Variants in SLC8A1 observed in about 807,000 individuals in gnomAD.
The protein encoded by SLC8A1 is solute carrier family 8 member A1.
A neutral mutation model predicts 68.3 loss-of-function variants in SLC8A1; 18 were observed. The ratio of observed to expected loss-of-function variants is 0.26; its 90% CI spans 0.18 to 0.39. The LOEUF (loss-of-function observed/expected upper bound fraction) is 0.39. SLC8A1 is among the 10% of genes least tolerant of loss of function. SLC8A1 has a pLI of 1.00. For missense variants in SLC8A1, 985 were observed against 1,156.7 expected (o/e 0.85, Z 2.15); for synonymous variants, 475 against 415.5 (o/e 1.14, Z -1.74).
chr2:40,183,636 G>T (rs1370598444), intron 2 of SLC8A1, among the ~76,000 whole-genome samples: 1 of 152,118 alleles, frequency 6.6e-6, no homozygotes, highest in Admixed American at 6.6e-5. Context: ...ATCCCCAGAT[G>T]ACTCTTATGT....
At chr2:40,417,389 A>T (rs938251985) in intron 2 of SLC8A1, among the ~76,000 whole-genome samples, 7 of 152,244 alleles carry the variant, frequency 4.6e-5, no homozygotes, top group Admixed American at 1.3e-4. Flanking sequence ...ACCAAACAAG[A>T]AAAACATAAT....
At chr2:40,480,476 T>A (rs1379587829) in intron 1 of SLC8A1, among the ~76,000 whole-genome samples, 1 of 152,204 alleles carries the variant, frequency 6.6e-6, no homozygotes, top group Non-Finnish European at 1.5e-5. Flanking sequence ...TCTCATCAGA[T>A]ACGGAGTTTG....
chr2:40,200,219 TTTTTTTATATATATATATAA>T (rs2053988528), intron 2 of SLC8A1, among the ~76,000 whole-genome samples: 7 of 2,920 alleles, frequency 2.4e-3, no homozygotes, highest in Non-Finnish European at 5.8e-3. Flanking sequence ...TATATATATA[TTTTTTTATATATATATATAA>T]ATATATATAT....
intron 1 of SLC8A1, among the ~76,000 whole-genome samples, chr2:40,432,964 G>T (rs1052126688): frequency 6.6e-6 from 1 of 152,086 alleles, no homozygotes; most frequent in Non-Finnish European, 1.5e-5. Flanking sequence ...ATGTCTTGGG[G>T]ACCTGAAAGA....
intron 2 of SLC8A1, among the ~76,000 whole-genome samples, chr2:40,401,154 G>T (rs1688610311): frequency 6.6e-6 from 1 of 152,160 alleles, no homozygotes; most frequent in Non-Finnish European, 1.5e-5. Flanking sequence ...TCTTATATGG[G>T]TCTGTTCTTT....
At chr2:40,098,605 C>T (rs2033712999) in exon 8 of SLC8A1, 1 of 151,868 alleles carries the variant, frequency 6.6e-6, no homozygotes, top group Non-Finnish European at 1.5e-5. Flanking sequence ...AAAAGATTAG[C>T]TAAAATTTCC....
exon 8 of SLC8A1, chr2:40,106,199 T>C (rs1278220463): frequency 1.3e-5 from 2 of 152,232 alleles, no homozygotes; most frequent in Admixed American, 6.5e-5. Flanking sequence ...TTCACTTTTC[T>C]CTCACCATGT....
At chr2:40,204,484 C>T (rs2054999763) in intron 2 of SLC8A1, among the ~76,000 whole-genome samples, 1 of 151,926 alleles carries the variant, frequency 6.6e-6, no homozygotes, top group Admixed American at 6.6e-5. Context: ...GAAAGAAAAA[C>T]AACCATATGG....
At chr2:40,196,760 C>G (rs2053124638) in intron 2 of SLC8A1, among the ~76,000 whole-genome samples, 1 of 152,004 alleles carries the variant, frequency 6.6e-6, no homozygotes, top group African/African-American at 2.4e-5. Context: ...TTAAACCGCT[C>G]ATGAAATTTA....
rs931371562 is a variant in SLC8A1 at position 40,386,015 on chromosome 2, C to T, written c.1808+42458G>A. Among the ~76,000 whole-genome samples the T allele has an allele frequency of 1.4e-4, 21 of 150,952 alleles. 2 individuals are homozygous for T. Among genetic ancestry groups the T allele is most frequent in the African/African-American group, 4.2e-4 (17 of 40,586 alleles). On this transcript the variant is annotated intron_variant, in intron 2 of 7. Transcript: ENST00000406785. ...TATCTTTATAAATTTTTAAATTCTC[C>T]GAGTTTTCTTTATTGAACTGGTATT... is the stretch of plus-strand genomic sequence containing the variant.
intron 2 of SLC8A1, among the ~76,000 whole-genome samples, chr2:40,269,927 G>T (rs2065822033): frequency 1.3e-5 from 2 of 152,126 alleles, no homozygotes; most frequent in Admixed American, 1.3e-4. Context: ...AGGGCATATG[G>T]CATGCAGGGT....
chr2:40,271,777 A>T (rs1182231191), intron 2 of SLC8A1, among the ~76,000 whole-genome samples: 1 of 152,150 alleles, frequency 6.6e-6, no homozygotes, highest in African/African-American at 2.4e-5. Flanking sequence ...GACATGGTCT[A>T]CCCTTCTTTC....
intron 2 of SLC8A1, among the ~76,000 whole-genome samples, chr2:40,252,955 G>C (rs940856513): frequency 1.9e-4 from 22 of 116,746 alleles, no homozygotes; most frequent in South Asian, 4.8e-4. Flanking sequence ...ATATACATAT[G>C]TGTGTATATG....
intron 4 of SLC8A1, among the ~76,000 whole-genome samples, 196 bp downstream of exon 6, chr2:40,174,510 A>G (rs997004233): frequency 3.9e-5 from 6 of 152,160 alleles, no homozygotes; most frequent in African/African-American, 1.4e-4. Context: ...GAACAGTTAC[A>G]GTTTTTCCAT....
intron 2 of SLC8A1, among the ~76,000 whole-genome samples, chr2:40,191,292 A>T (rs1015464777): frequency 2.0e-5 from 3 of 152,156 alleles, no homozygotes; most frequent in African/African-American, 7.2e-5. Context: ...TATAGCACTT[A>T]CTTGAATGTT....
chr2:40,415,974 A>C (rs1693744392), intron 2 of SLC8A1, among the ~76,000 whole-genome samples: 1 of 148,482 alleles, frequency 6.7e-6, no homozygotes. Context: ...AGGCAGGAGA[A>C]TTGCTTGAAC....
At chr2:40,407,713 C>G (rs574789611) in intron 2 of SLC8A1, among the ~76,000 whole-genome samples, 1 of 152,300 alleles carries the variant, frequency 6.6e-6, no homozygotes, top group East Asian at 1.9e-4. Flanking sequence ...CTTGTTTACC[C>G]TTATGTCCCC....
chr2:40,380,084 C>T (rs1324102483), intron 2 of SLC8A1, among the ~76,000 whole-genome samples: 1 of 152,122 alleles, frequency 6.6e-6, no homozygotes, highest in Non-Finnish European at 1.5e-5. Context: ...TGGCTTACTA[C>T]ATTTAGCTTG....
At chr2:40,098,850 A>G in exon 8 of SLC8A1, 1 of 152,056 alleles carries the variant, frequency 6.6e-6, no homozygotes, top group Non-Finnish European at 1.5e-5. Flanking sequence ...CACATTCATA[A>G]TAAAAGAAGA....
Sources: gnomAD v4.1 joint callset for allele counts (sites outside exome capture counted in the v4.1 genomes callset) on GRCh38, gnomAD v4.1.1 for gene constraint, MANE v1.5 for transcripts, NCBI Gene and HGNC (gene_info 2026-07-23, HGNC 2026-07-21) for gene names.